Variants in FSHR observed in about 807,000 individuals in gnomAD.
FSHR encodes the protein follicle stimulating hormone receptor, also known as follicle-stimulating hormone receptor.
In FSHR, 46 loss-of-function variants were observed where a neutral mutation model predicts 52.1. The ratio of observed to expected loss-of-function variants is 0.88; its 90% CI spans 0.70 to 1.13. The LOEUF (loss-of-function observed/expected upper bound fraction) is 1.13. FSHR is among the 50% of genes most tolerant of loss of function. The pLI, the probability that FSHR is intolerant of heterozygous loss-of-function variation, is 0.00. For missense variants in FSHR, 964 were observed against 834.6 expected, an observed-to-expected ratio of 1.16 and a Z score of -1.91; for synonymous variants, 399 against 309.6, an observed-to-expected ratio of 1.29 and a Z score of -3.03.
intron 1 of FSHR, among the ~76,000 whole-genome samples, chr2:49,113,353 TA>T (rs1412456526): frequency 1.3e-5 from 2 of 152,166 alleles, no homozygotes; most frequent in African/African-American, 4.8e-5. Context: ...GGCTGAGCCC[TA>T]AAAAAGCTAA....
chr2:49,057,844 G>C (rs575489676), intron 2 of FSHR, among the ~76,000 whole-genome samples: 1 of 152,296 alleles, frequency 6.6e-6, no homozygotes, highest in East Asian at 1.9e-4. Flanking sequence ...GGATTTATCT[G>C]AGAAATGCAA....
At chr2:49,119,332 A>AAAC (rs1671716204) in intron 1 of FSHR, among the ~76,000 whole-genome samples, 1 of 152,018 alleles carries the variant, frequency 6.6e-6, no homozygotes, top group African/African-American at 2.4e-5. Flanking sequence ...TTCGATAGGC[A>AAAC]AACAATACAT....
rs767760320 is a variant in FSHR at position 48,990,609 on chromosome 2, G to A, written c.403C>T (p.Leu135Phe). 1.2e-6 allele frequency: 2 copies of A among 1,611,818 alleles called. No homozygotes were observed. Among genetic ancestry groups the A allele is most frequent in the Admixed American group, 1.7e-5 (1 of 60,008 alleles). The stretch of plus-strand genomic sequence containing the variant: ...GAATGAATCTTGTGAACATCTGGAA[G>A]GTGCTTAATACCTGTGTTGGATATT... ...LLISNTGIKHLPDVHKIHSLQ... is the reference protein window; with the variant it reads ...LLISNTGIKHFPDVHKIHSLQ... Residue 135 changes from leucine to phenylalanine, a missense_variant, in exon 5 of 10, where the codon CTT becomes TTT. Transcript: ENST00000406846.
chr2:48,962,756 G>C lies in FSHR; in HGVS notation c.2065C>G (p.Leu689Val), dbSNP rs774648218. ...TSGSTYILVP[L>V]SHLAQN The stretch of plus-strand genomic sequence containing the variant: ...TTTTAGTTTTGGGCTAAATGACTTA[G>C]AGGGACAAGTATGTAAGTGGAACCA... The change falls in exon 10 of 10, where the codon CTA (leucine) becomes GTA (valine). Residue 689 changes from leucine (L) to valine (V), a missense_variant. Coordinates refer to ENST00000406846, the MANE Select transcript of FSHR (RefSeq NM_000145.4). 1.2e-6 allele frequency: 2 copies of C among 1,613,908 alleles called. No individual in the cohort carries two copies. Among genetic ancestry groups the C allele is most frequent in the African/African-American group, 1.3e-5 (1 of 74,934 alleles).
At chr2:49,150,209 T>C (rs1462053538) in intron 1 of FSHR, among the ~76,000 whole-genome samples, 1 of 152,086 alleles carries the variant, frequency 6.6e-6, no homozygotes, top group Non-Finnish European at 1.5e-5. Flanking sequence ...CTCCCTGAGT[T>C]CTTGACAAAT....
At chr2:49,095,426 C>A (rs1670786008) in intron 1 of FSHR, among the ~76,000 whole-genome samples, 1 of 152,072 alleles carries the variant, frequency 6.6e-6, no homozygotes, top group African/African-American at 2.4e-5. Flanking sequence ...TAGGCACATT[C>A]AGAAGAAGGA....
intron 1 of FSHR, among the ~76,000 whole-genome samples, chr2:49,127,866 T>TTCCTCTTCCTCTTCCTCTTCCTCTTCC (rs1672108341): frequency 2.4e-5 from 1 of 42,320 alleles, no homozygotes; most frequent in African/African-American, 2.0e-4. Flanking sequence ...CTTCTTCTTC[T>TTCCTCTTCCTCTTCCTCTTCCTCTTCC]TCTTCTTCTT....
intron 2 of FSHR, among the ~76,000 whole-genome samples, chr2:49,029,631 T>G (rs1668030397): frequency 6.6e-6 from 1 of 152,184 alleles, no homozygotes; most frequent in South Asian, 2.1e-4. Flanking sequence ...CTGTTGAAGA[T>G]CACATGAATA....
chr2:49,037,437 A>G (rs1668307113), intron 2 of FSHR, among the ~76,000 whole-genome samples: 1 of 152,240 alleles, frequency 6.6e-6, no homozygotes, highest in African/African-American at 2.4e-5. Context: ...ATTAGAAACC[A>G]TAAAAGGAAA....
At chr2:48,991,877 A>G (rs753595407) in intron 4 of FSHR, among the ~76,000 whole-genome samples, 6 of 152,148 alleles carry the variant, frequency 3.9e-5, no homozygotes, top group Non-Finnish European at 8.8e-5. Context: ...AAGAACACTC[A>G]TTGATATATA....
intron 2 of FSHR, among the ~76,000 whole-genome samples, chr2:49,026,342 TCA>T (rs1487705883): frequency 6.6e-6 from 1 of 152,192 alleles, no homozygotes; most frequent in Non-Finnish European, 1.5e-5. Context: ...GGACTAAAAA[TCA>T]CAGTCATAAT....
intron 2 of FSHR, among the ~76,000 whole-genome samples, chr2:49,050,315 T>A (rs1488487254): frequency 6.6e-6 from 1 of 151,900 alleles, no homozygotes; most frequent in Non-Finnish European, 1.5e-5. Flanking sequence ...CAGAAATGAG[T>A]TTGCAAGCTG....
intron 2 of FSHR, among the ~76,000 whole-genome samples, chr2:49,051,286 A>T (rs1668846603): frequency 6.6e-6 from 1 of 152,122 alleles, no homozygotes; most frequent in African/African-American, 2.4e-5. Flanking sequence ...GAGGTTGTAC[A>T]ATTTTAAATT....
intron 6 of FSHR, among the ~76,000 whole-genome samples, chr2:48,983,716 A>G (rs1675362716): frequency 6.6e-6 from 1 of 152,166 alleles, no homozygotes; most frequent in Non-Finnish European, 1.5e-5. Context: ...GGACCTGGTT[A>G]TTGGAGGTTT....
chr2:48,999,660 A>T (rs972593791), intron 4 of FSHR, among the ~76,000 whole-genome samples: 2 of 152,156 alleles, frequency 1.3e-5, no homozygotes, highest in Non-Finnish European at 2.9e-5. Context: ...CAGAAATACA[A>T]ATACTTTGTT....
At chr2:49,120,189 G>C (rs144726510) in intron 1 of FSHR, among the ~76,000 whole-genome samples, 1,572 of 152,196 alleles carry the variant, frequency 0.01, 23 homozygotes, top group African/African-American at 0.035. Flanking sequence ...GAGAATCGCC[G>C]GGGCCAGAGA....
At chr2:48,978,210 A>G (rs951415881) in intron 8 of FSHR, among the ~76,000 whole-genome samples, 3 of 152,204 alleles carry the variant, frequency 2.0e-5, no homozygotes, top group Non-Finnish European at 2.9e-5. Context: ...TCTGTGCCCC[A>G]TTTAATAAAG....
At chr2:49,023,933 G>T (rs1473451761) in intron 2 of FSHR, among the ~76,000 whole-genome samples, 1 of 152,170 alleles carries the variant, frequency 6.6e-6, no homozygotes, top group East Asian at 1.9e-4. Flanking sequence ...AAGTACATTT[G>T]ATGGAGGGTT....
intron 2 of FSHR, among the ~76,000 whole-genome samples, chr2:49,061,170 C>G (rs1463236670): frequency 6.6e-6 from 1 of 152,052 alleles, no homozygotes; most frequent in Non-Finnish European, 1.5e-5. Flanking sequence ...CATGGGAAAC[C>G]TACATCTAAT....
Sources: allele counts gnomAD v4.1 joint callset (sites outside exome capture counted in the v4.1 genomes callset), GRCh38; gene constraint gnomAD v4.1.1; transcripts MANE v1.5; gene names NCBI Gene and HGNC (gene_info 2026-07-23, HGNC 2026-07-21).